The following CASP2 variants were observed in gnomAD, a reference collection of about 807,000 sequenced individuals.
CASP2 encodes caspase 2.
A neutral mutation model predicts 54.4 loss-of-function variants in CASP2; 38 were observed. That is an observed-to-expected ratio of 0.70 (90% CI 0.54 to 0.92). CASP2 has a LOEUF of 0.92. CASP2 is among the 40% of genes least tolerant of loss of function. The pLI, the probability that CASP2 is intolerant of heterozygous loss-of-function variation, is 0.00. For missense variants in CASP2, 512 were observed against 579.6 expected, an observed-to-expected ratio of 0.88 and a Z score of 1.20; for synonymous variants, 215 against 216.3, an observed-to-expected ratio of 0.99 and a Z score of 0.05.
intron 2 of CASP2, 90 bp from the exon 3 acceptor site, chr7:143,292,210 G>A: frequency 7.6e-7 from 1 of 1,319,208 alleles, no homozygotes; most frequent in South Asian, 1.2e-5. Context: ...AGAATTCTTG[G>A]ATGAGGACAC....
chr7:143,299,545 T>C (rs1801852889), intron 6 of CASP2, among the ~76,000 whole-genome samples: 1 of 152,246 alleles, frequency 6.6e-6, no homozygotes, highest in African/African-American at 2.4e-5. Context: ...ATAGCTACAC[T>C]TTGAGTCACC....
chr7:143,295,191 CTTA>C lies in CASP2; in HGVS notation c.747+421_747+423del, dbSNP rs143213543. 5.7e-3 allele frequency among the ~76,000 whole-genome samples: 868 copies of C among 152,262 alleles called. 11 individuals carry two copies. The highest frequency in any genetic ancestry group is 0.01 in the Non-Finnish European group (683 of 68,012). On this transcript the variant is annotated intron_variant, in intron 6 of 10. Coordinates refer to ENST00000310447, the MANE Select transcript of CASP2 (RefSeq NM_032982.4). ...TGCAGGCGCATGCAACCATACCTGG[CTTA>C]TTGTTGTATTTTTAGTAGAGACGGG... is the stretch of plus-strand genomic sequence containing the variant.
At chr7:143,300,440 T>C in intron 8 of CASP2, 146 bp downstream of exon 8, 1 of 1,597,142 alleles carries the variant, frequency 6.3e-7, no homozygotes, top group Non-Finnish European at 8.5e-7. Context: ...TCTCTTGCTC[T>C]GTAAGTGTCT....
chr7:143,294,315 C>G lies in CASP2; in HGVS notation c.561C>G (p.His187Gln). ...KPCTPEFYQT[H>Q]FQLAYRLQSR... ...GCACTCCTGAATTTTATCAAACACA[C>G]TTCCAGCTGGTGAGTTTTTGCATAA... Residue 187 changes from histidine (H) to glutamine (Q), a missense_variant, in exon 5 of 11, where the codon CAC becomes CAG. Coordinates refer to ENST00000310447, the MANE Select transcript of CASP2 (RefSeq NM_032982.4). 1 of 1,605,870 alleles carries G rather than the reference C, an allele frequency of 6.2e-7. No homozygotes were observed. Among genetic ancestry groups the G allele is most frequent in the South Asian group, 1.1e-5 (1 of 90,922 alleles).
chr7:143,294,099 C>G, intron 4 of CASP2, 131 bp from the exon 5 acceptor site: 1 of 698,630 alleles, frequency 1.4e-6, no homozygotes. Context: ...ATGAAGCTTA[C>G]AGGTTTGGGT....
intron 6 of CASP2, among the ~76,000 whole-genome samples, chr7:143,295,046 A>C (rs1271372087): frequency 6.6e-6 from 1 of 151,110 alleles, no homozygotes; most frequent in Non-Finnish European, 1.5e-5. Context: ...TTTTTTTTTA[A>C]AGACAGAGTT....
intron 1 of CASP2, among the ~76,000 whole-genome samples, chr7:143,290,096 T>C (rs1373039469): frequency 1.4e-5 from 2 of 146,112 alleles, no homozygotes; most frequent in East Asian, 4.0e-4. Flanking sequence ...GTCTTTGCTG[T>C]GTCACCCAGG....
intron 6 of CASP2, among the ~76,000 whole-genome samples, chr7:143,299,035 C>T (rs984564067): frequency 2.6e-5 from 4 of 151,998 alleles, no homozygotes; most frequent in African/African-American, 4.8e-5. Flanking sequence ...TCACAGCTCA[C>T]TGCAGCCTCA....
chr7:143,292,869 G>A (rs1801619369), intron 4 of CASP2, among the ~76,000 whole-genome samples, 171 bp downstream of exon 4: 1 of 152,136 alleles, frequency 6.6e-6, no homozygotes, highest in African/African-American at 2.4e-5. Flanking sequence ...AAACTAGCTG[G>A]GCATGGTGGT....
chr7:143,297,735 C>T (rs1215748105), intron 6 of CASP2, among the ~76,000 whole-genome samples: 1 of 152,244 alleles, frequency 6.6e-6, no homozygotes, highest in East Asian at 1.9e-4. Context: ...GCGTGAGCCA[C>T]CGCGCCCGGC....
intron 4 of CASP2, among the ~76,000 whole-genome samples, chr7:143,293,386 C>A (rs1007409104): frequency 6.6e-6 from 1 of 152,144 alleles, no homozygotes; most frequent in Non-Finnish European, 1.5e-5. Context: ...CCTTGGCCTC[C>A]CAAAGTGCTG....
At chr7:143,304,011 T>C in intron 9 of CASP2, 78 bp downstream of exon 9, 1 of 1,315,640 alleles carries the variant, frequency 7.6e-7, no homozygotes, top group Non-Finnish European at 1.1e-6. Context: ...AGGTACAGGT[T>C]GAGTATCCCT....
intron 4 of CASP2, chr7:143,293,222 G>T: frequency 1.7e-6 from 1 of 575,690 alleles, no homozygotes; most frequent in East Asian, 3.0e-5. Flanking sequence ...TGAACTCCTG[G>T]GTTGAAGGGC....
intron 8 of CASP2, chr7:143,302,409 C>G (rs1801941237): frequency 6.6e-6 from 1 of 152,110 alleles, no homozygotes; most frequent in Non-Finnish European, 1.5e-5. Context: ...GCCAATTGTT[C>G]CATTGAAAAT....
chr7:143,301,873 AAAGT>A (rs1255908975), intron 8 of CASP2: 1 of 152,228 alleles, frequency 6.6e-6, no homozygotes, highest in Non-Finnish European at 1.5e-5. Context: ...TCAGCAGGTA[AAAGT>A]AAGGAACAGT....
chr7:143,297,451 T>G (rs1237005479), intron 6 of CASP2, among the ~76,000 whole-genome samples: 3 of 151,986 alleles, frequency 2.0e-5, no homozygotes, highest in Non-Finnish European at 4.4e-5. Flanking sequence ...TTTGTTTTCT[T>G]TTTTTTTATT....
At chr7:143,296,062 C>G (rs901864444) in intron 6 of CASP2, among the ~76,000 whole-genome samples, 1 of 152,144 alleles carries the variant, frequency 6.6e-6, no homozygotes, top group Non-Finnish European at 1.5e-5. Flanking sequence ...AAGTTGTATG[C>G]AGCTGATAAA....
At chr7:143,294,086 C>T in intron 4 of CASP2, 144 bp from the exon 5 acceptor site, 1 of 672,408 alleles carries the variant, frequency 1.5e-6, no homozygotes, top group Non-Finnish European at 2.7e-6. Flanking sequence ...AGTCTCTGCC[C>T]TCATGAAGCT....
rs1801743079 is a variant in CASP2, at chr7:143,296,197, C to T, written c.747+1424C>T. Among the ~76,000 whole-genome samples the T allele has an allele frequency of 2.0e-5, 3 of 152,256 alleles. No homozygotes were observed. In the South Asian group the frequency reaches 6.2e-4, roughly 32 times the overall value. On this transcript the variant is annotated intron_variant, in intron 6 of 10. Coordinates refer to ENST00000310447, the MANE Select transcript of CASP2 (RefSeq NM_032982.4). ...TGAGCTCACTTCATAAATAGCATTT[C>T]CATTTATGGTAAGCCTGATGCATAT...
Sources: gnomAD v4.1 joint callset for allele counts (sites outside exome capture counted in the v4.1 genomes callset) on GRCh38, gnomAD v4.1.1 for gene constraint, MANE v1.5 for transcripts, NCBI Gene and HGNC (gene_info 2026-07-23, HGNC 2026-07-21) for gene names.